Variants in TASP1 observed in about 807,000 individuals in gnomAD.
TASP1 encodes taspase 1.
Under a neutral mutation model 56.6 loss-of-function variants are expected in TASP1, and 16 were observed. The observed-to-expected ratio is 0.28, with a 90% CI of 0.19 to 0.43. TASP1 has a LOEUF of 0.43. Among genes scored for constraint, TASP1 ranks in the 20% least tolerant of loss-of-function variants. The pLI is 1.00. For synonymous variants in TASP1, 179 were observed against 184.2 expected, an observed-to-expected ratio of 0.97 and a Z score of 0.23; for missense variants, 393 against 511.6, an observed-to-expected ratio of 0.77 and a Z score of 2.24.
At chr20:13,573,618 G>C (rs907314463) in intron 6 of TASP1, among the ~76,000 whole-genome samples, 9 of 152,088 alleles carry the variant, frequency 5.9e-5, no homozygotes, top group African/African-American at 2.2e-4. Flanking sequence ...AATATTTCTA[G>C]TCATCTAATT....
At chr20:13,604,628 C>A (rs901668319) in intron 4 of TASP1, among the ~76,000 whole-genome samples, 1 of 152,164 alleles carries the variant, frequency 6.6e-6, no homozygotes, top group African/African-American at 2.4e-5. Flanking sequence ...TAGTTCCTCC[C>A]TTGAATAAAG....
At chr20:13,396,966 T>C (rs2041565108) in intron 13 of TASP1, among the ~76,000 whole-genome samples, 1 of 152,216 alleles carries the variant, frequency 6.6e-6, no homozygotes, top group South Asian at 2.1e-4. Flanking sequence ...TCTTCCAGCC[T>C]ACAGGCCACT....
intron 12 of TASP1, among the ~76,000 whole-genome samples, chr20:13,430,391 T>C (rs1282424154): frequency 6.6e-6 from 1 of 152,214 alleles, no homozygotes; most frequent in African/African-American, 2.4e-5. Flanking sequence ...GATGTTGCCA[T>C]AGACTGCTGT....
At chr20:13,491,625 C>T (rs2043530274) in intron 10 of TASP1, among the ~76,000 whole-genome samples, 1 of 152,110 alleles carries the variant, frequency 6.6e-6, no homozygotes, top group African/African-American at 2.4e-5. Flanking sequence ...GACAGCCCAA[C>T]AAAATCATAT....
At chr20:13,163,428 A>G in the TASP1 span, among the ~76,000 whole-genome samples, 1 of 151,850 alleles carries the variant, frequency 6.6e-6, no homozygotes, top group African/African-American at 2.4e-5. Context: ...TCCTCCATAA[A>G]TTATCTCACA....
chr20:13,454,438 G>A (rs2043751112), intron 11 of TASP1, among the ~76,000 whole-genome samples: 1 of 152,084 alleles, frequency 6.6e-6, no homozygotes, highest in African/African-American at 2.4e-5. Flanking sequence ...TAGCATGGCT[G>A]AATGAGCAAA....
intron 11 of TASP1, among the ~76,000 whole-genome samples, chr20:13,475,982 G>C (rs1424648795): frequency 6.6e-6 from 1 of 151,910 alleles, no homozygotes; most frequent in Non-Finnish European, 1.5e-5. Flanking sequence ...AGCTGGGCAA[G>C]GTGGCAGACA....
the TASP1 span, among the ~76,000 whole-genome samples, chr20:13,178,903 A>G: frequency 6.6e-6 from 1 of 152,160 alleles, no homozygotes; most frequent in African/African-American, 2.4e-5. Flanking sequence ...ACATCATTTC[A>G]AACAGCTAGA....
chr20:13,124,823 G>A, the TASP1 span, among the ~76,000 whole-genome samples: 2 of 152,188 alleles, frequency 1.3e-5, no homozygotes, highest in South Asian at 4.1e-4. Context: ...GCCCAGGCTC[G>A]GAAGTGGGAA....
chr20:13,536,945 C>T (rs932680942), intron 8 of TASP1, among the ~76,000 whole-genome samples: 4 of 152,036 alleles, frequency 2.6e-5, no homozygotes, highest in Non-Finnish European at 5.9e-5. Context: ...CATTACCTCA[C>T]ATAATCATTT....
chr20:13,172,473 G>A, the TASP1 span, among the ~76,000 whole-genome samples: 2 of 152,008 alleles, frequency 1.3e-5, no homozygotes, highest in Non-Finnish European at 2.9e-5. Context: ...AGGATAAAAA[G>A]GGGTTCTCTT....
intron 10 of TASP1, among the ~76,000 whole-genome samples, chr20:13,489,890 G>A (rs989156338): frequency 3.3e-5 from 5 of 152,146 alleles, no homozygotes; most frequent in African/African-American, 4.8e-5. Flanking sequence ...GATACTCTAT[G>A]TATGTATATA....
intron 4 of TASP1, among the ~76,000 whole-genome samples, chr20:13,622,972 T>C (rs2147528501): frequency 6.6e-6 from 1 of 152,240 alleles, no homozygotes; most frequent in South Asian, 2.1e-4. Context: ...CACAGTAAAC[T>C]GGGGACAAAC....
At chr20:13,403,030 G>A (rs903173445) in intron 13 of TASP1, among the ~76,000 whole-genome samples, 6 of 152,146 alleles carry the variant, frequency 3.9e-5, no homozygotes, top group Non-Finnish European at 8.8e-5. Context: ...AAGTTGTGGC[G>A]CTGTCAAAGT....
chr20:13,187,610 T>C, the TASP1 span, among the ~76,000 whole-genome samples: 1 of 150,954 alleles, frequency 6.6e-6, no homozygotes, highest in Admixed American at 6.6e-5. Flanking sequence ...TAGCTGGGCG[T>C]GGTAGCGCAC....
the TASP1 span, among the ~76,000 whole-genome samples, chr20:13,206,134 A>T: frequency 6.6e-6 from 1 of 151,952 alleles, no homozygotes; most frequent in Non-Finnish European, 1.5e-5. Flanking sequence ...GTCTGCAACA[A>T]GCTACTTCAG....
chr20:13,447,300 C>T (rs1360812588), intron 11 of TASP1, among the ~76,000 whole-genome samples: 1 of 152,110 alleles, frequency 6.6e-6, no homozygotes, highest in East Asian at 1.9e-4. Context: ...AAGGTAATTA[C>T]CTATATGTTT....
At chr20:13,609,918 T>C (rs527467645) in intron 4 of TASP1, among the ~76,000 whole-genome samples, 4 of 152,322 alleles carry the variant, frequency 2.6e-5, no homozygotes, top group South Asian at 4.1e-4. Context: ...ATGAATAATG[T>C]TGAATACTGC....
the TASP1 span, among the ~76,000 whole-genome samples, chr20:13,266,645 GC>G: frequency 4.4e-3 from 672 of 152,228 alleles, 5 homozygotes; most frequent in Middle Eastern, 0.024. Context: ...AACTGAGCAG[GC>G]CCCCTTGTGT....
Sources: allele counts gnomAD v4.1 joint callset (sites outside exome capture counted in the v4.1 genomes callset), GRCh38; gene constraint gnomAD v4.1.1; transcripts MANE v1.5; gene names NCBI Gene and HGNC (gene_info 2026-07-23, HGNC 2026-07-21).